The following OXNAD1 variants were observed in gnomAD, a reference collection of about 807,000 sequenced individuals.
OXNAD1 encodes the protein oxidoreductase NAD binding domain containing 1.
In OXNAD1, 34 loss-of-function variants were observed where a neutral mutation model predicts 32.9. The ratio of observed to expected loss-of-function variants is 1.03; its 90% CI spans 0.79 to 1.38. The LOEUF (loss-of-function observed/expected upper bound fraction) is 1.38. Ranked by LOEUF, OXNAD1 falls within the 40% of genes most tolerant of loss-of-function variation. OXNAD1 has a pLI of 0.00. For synonymous variants in OXNAD1, 134 were observed against 135.2 expected, an observed-to-expected ratio of 0.99 and a Z score of 0.06; for missense variants, 407 against 379.4, an observed-to-expected ratio of 1.07 and a Z score of -0.60.
intron 9 of OXNAD1, among the ~76,000 whole-genome samples, chr3:16,311,998 C>G (rs751626012): frequency 6.6e-6 from 1 of 152,216 alleles, no homozygotes; most frequent in Non-Finnish European, 1.5e-5. Flanking sequence ...TCTCCCGTAG[C>G]CTGGCTTCCT....
In OXNAD1 at chr3:16,301,641, G is replaced by A. The variant is rs1248674206; in HGVS notation, c.448G>A (p.Glu150Lys). The A allele has an allele frequency of 1.5e-5, 24 of 1,613,872 alleles. No individual in the cohort carries two copies. Among genetic ancestry groups the A allele is most frequent in the Non-Finnish European group, 2.0e-5 (24 of 1,179,946 alleles). Reference protein sequence around the residue: ...WVHNTCTLDCEVAVRVGGEFF... With the variant: ...WVHNTCTLDCKVAVRVGGEFF... ...CCTGCCTTAGTGTACACTTGACTGT[G>A]AAGTGGCTGTGAGAGTGGGTGGAGA... is the stretch of plus-strand genomic sequence containing the variant. Residue 150 changes from glutamate (E) to lysine (K), a missense_variant, in exon 7 of 9, where the codon GAA (glutamate) becomes AAA (lysine). By Grantham distance (56) the Glu-to-Lys change is moderately conservative (BLOSUM62 1). Coordinates refer to ENST00000285083, the MANE Select transcript of OXNAD1 (RefSeq NM_138381.5). This position sits in a 1 kb window ranked among gnomAD's most constrained non-coding sequence, Gnocchi z 4.1.
rs2067261875 is a variant in OXNAD1, at chr3:16,302,556, A to T, written c.676-84A>T. Reference sequence around the variant, plus strand: ...GAGCGGCAGACGTGTGCAGAATGGGAGTTGAGGTTCAGCGTCAATGGTTGT... The same window carrying T: ...GAGCGGCAGACGTGTGCAGAATGGGTGTTGAGGTTCAGCGTCAATGGTTGT... On this transcript the variant is annotated intron_variant, in intron 7 of 8. Transcript: ENST00000285083. This position sits in a 1 kb window ranked among gnomAD's most constrained non-coding sequence, Gnocchi z 4.2. 1.2e-6 allele frequency: 1 copy of T among 862,200 alleles called. No individual in the cohort carries two copies. The highest frequency in any genetic ancestry group is 2.1e-5 in the Admixed American group (1 of 47,254). The allele number at this position is 862,200 out of a possible 1,614,324, so 53.4% of individuals were successfully genotyped here.
chr3:16,348,141 G>A lies in OXNAD1; in HGVS notation c.*31-1035G>A, dbSNP rs1315231345. ...CCACCTCGGAGCACTTGTGGCTCTT[G>A]TTGCTTAAAGCAGGGCAGGCTCCTG... On this transcript the variant is annotated intron_variant, in intron 9 of 9. Transcript: ENST00000606098. The surrounding 1 kb of genome is among the most constrained non-coding windows in gnomAD (Gnocchi z 6.3). 2 of 152,126 alleles carry A rather than the reference G, an allele frequency of 1.3e-5. No homozygotes were observed. Among genetic ancestry groups the A allele is most frequent in the Non-Finnish European group, 2.9e-5 (2 of 68,030 alleles). 9.4% of individuals were successfully genotyped at this position (152,126 alleles called of 1,614,324 possible). A position where few individuals can be genotyped will look rare whatever the true frequency, so the allele number is the denominator to read the frequency against.
chr3:16,285,180 T>G (rs2065988227), intron 4 of OXNAD1, among the ~76,000 whole-genome samples: 1 of 152,166 alleles, frequency 6.6e-6, no homozygotes, highest in Non-Finnish European at 1.5e-5. Context: ...TACTTTGAGG[T>G]GGTGAGAGAG....
chr3:16,295,081 A>T (rs777374885), intron 6 of OXNAD1, 84 bp downstream of exon 6: 1 of 1,446,678 alleles, frequency 6.9e-7, no homozygotes, highest in African/African-American at 1.4e-5. Flanking sequence ...TGATTCACCT[A>T]AGAAACCTGG....
At chr3:16,272,192 A>AAGTGGACGAGCTCTTGTT (rs1352671753) in intron 4 of OXNAD1, 4 of 453,042 alleles carry the variant, frequency 8.8e-6, no homozygotes, top group Non-Finnish European at 1.8e-5. Flanking sequence ...TGAGAAAGGA[A>AAGTGGACGAGCTCTTGTT]AGTGGACGAG....
rs570680472 is a variant in OXNAD1 at position 16,271,220 on chromosome 3, C to G, written c.119+149C>G. ...TCAGGTTGTTAACCGTTTTTTTTGT[C>G]TGAGATGGAGTCTTGCTCCGTCGCC... On this transcript the variant is annotated intron_variant, in intron 3 of 8. Transcript: ENST00000285083. This position sits in a 1 kb window ranked among gnomAD's most constrained non-coding sequence, Gnocchi z 4.6. 12 of 960,628 alleles carry G rather than the reference C, an allele frequency of 1.2e-5. No homozygotes were observed. In the East Asian group the frequency reaches 3.0e-4, roughly 24 times the overall value. The allele number at this position is 960,628 out of a possible 1,614,324, so 59.5% of individuals were successfully genotyped here. A position where few individuals can be genotyped will look rare whatever the true frequency, so the allele number is the denominator to read the frequency against.
At chr3:16,342,214 C>T (rs1387734451), downstream of OXNAD1, among the ~76,000 whole-genome samples, 2 of 152,054 alleles carry the variant, frequency 1.3e-5, no homozygotes, top group African/African-American at 4.8e-5. This position sits in a 1 kb window ranked among gnomAD's most constrained non-coding sequence, Gnocchi z 4.0. Context: ...CCCCCACCCA[C>T]CCCGAGGCAA....
chr3:16,270,499 C>G (rs2124969766), intron 2 of OXNAD1, among the ~76,000 whole-genome samples: 1 of 152,210 alleles, frequency 6.6e-6, no homozygotes, highest in South Asian at 2.1e-4. Context: ...TTTTTAATAT[C>G]TGGAAACCTT....
chr3:16,323,736 C>T (rs994590700), intron 9 of OXNAD1, among the ~76,000 whole-genome samples: 34 of 152,332 alleles, frequency 2.2e-4, no homozygotes, highest in African/African-American at 7.5e-4. Context: ...AGCATCTTGG[C>T]CAAATGTGGA....
Position 16,295,008 on chromosome 3 carries a change from T to G in OXNAD1, c.432+11T>G. On this transcript the variant is annotated intron_variant, in intron 6 of 8. Coordinates refer to ENST00000285083, the MANE Select transcript of OXNAD1 (RefSeq NM_138381.5). ...TGGGTTCACAATACGGTAAGCACAC[T>G]GCCTGTTTAAACGCGATGATCTGGG... The G allele has an allele frequency of 6.2e-7, 1 of 1,602,500 alleles. No homozygotes were observed. The highest frequency in any genetic ancestry group is 8.5e-7 in the Non-Finnish European group (1 of 1,175,122).
downstream of OXNAD1, among the ~76,000 whole-genome samples, chr3:16,341,324 A>G (rs549499123): frequency 6.6e-6 from 1 of 152,368 alleles, no homozygotes; most frequent in South Asian, 2.1e-4. The surrounding 1 kb of genome is among the most constrained non-coding windows in gnomAD (Gnocchi z 4.7). Flanking sequence ...AATAAGCTGA[A>G]AACTTTTGTC....
intron 1 of OXNAD1, 100 bp from the exon 2 acceptor site, chr3:16,269,026 C>A: frequency 1.9e-6 from 2 of 1,075,072 alleles, no homozygotes; most frequent in Non-Finnish European, 2.5e-6. Context: ...TGAGGTGATG[C>A]CTACTGATTT....
At position 16,274,120 on chromosome 3, in the gene OXNAD1, T is replaced by G. The variant is rs181425695; in HGVS notation, c.183+2398T>G. ...CTCTGAGTACGCTCACACTCCCTTT[T>G]GTTGGGTGTGTGCTTTCCCCCTTCC... On this transcript the variant is annotated intron_variant, in intron 4 of 8. Transcript: ENST00000285083. Among the ~76,000 whole-genome samples the G allele has an allele frequency of 6.6e-5, 10 of 151,676 alleles. No individual in the cohort carries two copies. In the East Asian group the frequency reaches 1.9e-3, roughly 29 times the overall value.
chr3:16,318,637 T>C (rs554752483), intron 9 of OXNAD1, among the ~76,000 whole-genome samples: 1 of 152,312 alleles, frequency 6.6e-6, no homozygotes, highest in Admixed American at 6.5e-5. Flanking sequence ...TAGCACCTTT[T>C]AGATAAGAAT....
rs1300285333 is a variant in OXNAD1, at chr3:16,288,145, G to C, written c.290+1697G>C. Among the ~76,000 whole-genome samples the C allele has an allele frequency of 2.6e-5, 4 of 152,126 alleles. No individual in the cohort carries two copies. ...GAATGGCCATTTTGCTGAGGTTGGC[G>C]GTGTCTGTCCCTTCCATGCTGTTGC... On this transcript the variant is annotated intron_variant, in intron 5 of 8. Coordinates refer to ENST00000285083, the MANE Select transcript of OXNAD1 (RefSeq NM_138381.5). This position sits in a 1 kb window ranked among gnomAD's most constrained non-coding sequence, Gnocchi z 5.1.
At chr3:16,283,033 A>G (rs2065858969) in intron 4 of OXNAD1, among the ~76,000 whole-genome samples, 1 of 152,058 alleles carries the variant, frequency 6.6e-6, no homozygotes, top group Non-Finnish European at 1.5e-5. Context: ...GGAAAGAAAA[A>G]ACATGAGCCA....
downstream of OXNAD1, among the ~76,000 whole-genome samples, chr3:16,310,659 G>C (rs1173782299): frequency 2.0e-5 from 3 of 152,108 alleles, no homozygotes; most frequent in Non-Finnish European, 4.4e-5. Flanking sequence ...CCAATTCCTG[G>C]CTCAGGGCTT....
At chr3:16,332,097 C>A (rs535163919) in intron 9 of OXNAD1, among the ~76,000 whole-genome samples, 1 of 151,730 alleles carries the variant, frequency 6.6e-6, no homozygotes, top group African/African-American at 2.4e-5. Flanking sequence ...TGGTGTGGGT[C>A]TTTTTTACTC....
Sources: gnomAD v4.1 joint callset for allele counts (sites outside exome capture counted in the v4.1 genomes callset) on GRCh38, gnomAD v4.1.1 for gene constraint, Gnocchi (gnomAD v3.1) non-coding constraint, MANE v1.5 for transcripts, NCBI Gene and HGNC (gene_info 2026-07-23, HGNC 2026-07-21) for gene names.